The following USP30 variants were observed in gnomAD, a reference collection of about 807,000 sequenced individuals.
USP30 encodes the protein ubiquitin carboxyl-terminal hydrolase 30.
Under a neutral mutation model 68.2 loss-of-function variants are expected in USP30, and 41 were observed. The observed-to-expected ratio is 0.60, with a 90% confidence interval of 0.47 to 0.78. The LOEUF (loss-of-function observed/expected upper bound fraction) is 0.78. Among genes scored for constraint, USP30 ranks in the 30% least tolerant of loss-of-function variants. USP30 has a pLI of 0.00. For missense variants in USP30, 522 were observed against 649.4 expected (o/e 0.80, Z 2.13); for synonymous variants, 229 against 253.7 (o/e 0.90, Z 0.93).
intron 11 of USP30, 54 bp from the exon 12 acceptor site, chr12:109,084,899 T>G: frequency 1.3e-6 from 2 of 1,488,530 alleles, no homozygotes; most frequent in Non-Finnish European, 1.8e-6. Context: ...AAACCAGGTT[T>G]TGTTTACAGA....
intron 3 of USP30, among the ~76,000 whole-genome samples, chr12:109,060,801 T>C (rs1039678042): frequency 3.3e-5 from 5 of 152,114 alleles, no homozygotes; most frequent in Admixed American, 1.3e-4. Context: ...ATTACAGGCA[T>C]GCCCCACCAC....
At chr12:109,036,187 T>C (rs2040517983) in intron 3 of USP30, among the ~76,000 whole-genome samples, 1 of 152,216 alleles carries the variant, frequency 6.6e-6, no homozygotes, top group African/African-American at 2.4e-5. Flanking sequence ...TTATACTTTC[T>C]TTTATGTTTA....
intron 2 of USP30, among the ~76,000 whole-genome samples, chr12:109,026,829 T>A (rs1593217395): frequency 6.6e-6 from 1 of 152,252 alleles, no homozygotes; most frequent in East Asian, 1.9e-4. Context: ...GCCAGTATAG[T>A]TAGGTTCTGG....
chr12:109,046,095 T>TG (rs2040602408), intron 3 of USP30, among the ~76,000 whole-genome samples: 1 of 114,766 alleles, frequency 8.7e-6, no homozygotes, highest in South Asian at 3.0e-4. Context: ...AGTCAGTCTT[T>TG]TTTTTTTTTT....
At chr12:109,044,567 T>C (rs2040587647) in intron 3 of USP30, among the ~76,000 whole-genome samples, 1 of 151,832 alleles carries the variant, frequency 6.6e-6, no homozygotes, top group African/African-American at 2.4e-5. Flanking sequence ...AGCTCTGGAG[T>C]TCAAGGCTGC....
chr12:109,031,353 TA>T (rs1350674976), intron 3 of USP30, among the ~76,000 whole-genome samples: 3 of 152,252 alleles, frequency 2.0e-5, no homozygotes, highest in African/African-American at 7.2e-5. Context: ...TTTACTCACT[TA>T]ACTCAGTTTT....
intron 4 of USP30, among the ~76,000 whole-genome samples, chr12:109,069,776 C>G (rs538254388): frequency 7.1e-4 from 108 of 152,220 alleles, no homozygotes; most frequent in Middle Eastern, 6.8e-3. Flanking sequence ...GGAGGAGGAG[C>G]CAAGCTACAG....
chr12:109,055,400 ATTTT>A (rs869090869), intron 1 of USP30, among the ~76,000 whole-genome samples: 2 of 24,472 alleles, frequency 8.2e-5, no homozygotes, highest in Admixed American at 7.5e-4. Context: ...ATATATATAT[ATTTT>A]TTTTTTTTTT....
At chr12:109,059,132 C>G (rs1218871762) in intron 3 of USP30, among the ~76,000 whole-genome samples, 1 of 152,196 alleles carries the variant, frequency 6.6e-6, no homozygotes, top group East Asian at 1.9e-4. Flanking sequence ...TAGCCCCCAA[C>G]TTGGAGAGTC....
Position 109,081,319 on chromosome 12 carries a change from C to T in USP30, c.721-15C>T, listed in dbSNP as rs34912977. ...GCCTAAATCGTTTCTGGATTTTCTG[C>T]AATATTTCTTTCAGAGTCCTGTTCG... On this transcript the variant is annotated splice_polypyrimidine_tract_variant and intron_variant, in intron 7 of 12. Coordinates refer to ENST00000257548, the MANE Select transcript of USP30 (RefSeq NM_032663.5). 0.011 allele frequency: 17,032 copies of T among 1,613,160 alleles called. 117 individuals carry two copies. Among genetic ancestry groups the T allele is most frequent in the African/African-American group, 0.021 (1,581 of 74,996 alleles).
chr12:109,023,607 A>G (rs1593215478), intron 1 of USP30, among the ~76,000 whole-genome samples: 1 of 132,160 alleles, frequency 7.6e-6, no homozygotes, highest in East Asian at 2.2e-4. Context: ...TTCAGCTTCT[A>G]CTCATGTGCC....
rs1428890676 is a variant in USP30, at chr12:109,070,851, C to G, written c.481-761C>G. On this transcript the variant is annotated intron_variant, in intron 4 of 12. Coordinates refer to ENST00000257548, the MANE Select transcript of USP30 (RefSeq NM_032663.5). This position sits in a 1 kb window ranked among gnomAD's most constrained non-coding sequence, Gnocchi z 4.0. Reference sequence around the variant, plus strand: ...ATTTGTATACTCAGGTTAATAGCAGCATGTTCGCAATAGCCAAGGGGTAGA... The same window carrying G: ...ATTTGTATACTCAGGTTAATAGCAGGATGTTCGCAATAGCCAAGGGGTAGA... 6.6e-6 allele frequency among the ~76,000 whole-genome samples: 1 copy of G among 152,296 alleles called. No homozygotes were observed. The highest frequency in any genetic ancestry group is 2.1e-4 in the South Asian group (1 of 4,822).
rs2041713719 is a variant in USP30 at position 109,079,339 on chromosome 12, C to CTTTTTTTTTTCTTTTTTTTT, written c.721-1985_721-1984insCTTTTTTTTTTTTTTTTTTT. 1.4e-3 allele frequency among the ~76,000 whole-genome samples: 86 copies of CTTTTTTTTTTCTTTTTTTTT among 62,254 alleles called. 2 individuals are homozygous for CTTTTTTTTTTCTTTTTTTTT. Among genetic ancestry groups the CTTTTTTTTTTCTTTTTTTTT allele is most frequent in the South Asian group, 3.1e-3 (5 of 1,618 alleles). 40.8% of individuals were successfully genotyped at this position (62,254 alleles called of 152,430 possible). A position where few individuals can be genotyped will look rare whatever the true frequency, so the allele number is the denominator to read the frequency against. ...TTTTCTCTTTTTTTCTTTTCTTTTT[C>CTTTTTTTTTTCTTTTTTTTT]TTTTTTTTTTTCTTTTTTTTTTTTT... is the stretch of plus-strand genomic sequence containing the variant. On this transcript the variant is annotated intron_variant, in intron 7 of 12. Transcript: ENST00000257548.
At chr12:109,077,828 G>A (rs113399484) in intron 7 of USP30, among the ~76,000 whole-genome samples, 2 of 151,852 alleles carry the variant, frequency 1.3e-5, no homozygotes, top group African/African-American at 4.8e-5. Context: ...TTTGTGTTGG[G>A]GGGGGAGGGT....
At chr12:109,031,418 T>C (rs896798536) in intron 3 of USP30, among the ~76,000 whole-genome samples, 31 of 152,204 alleles carry the variant, frequency 2.0e-4, no homozygotes, top group African/African-American at 7.0e-4. Flanking sequence ...GTATAGCACT[T>C]TTAAAATTTG....
chr12:109,036,933 T>C (rs955316921), intron 3 of USP30, among the ~76,000 whole-genome samples: 1 of 151,842 alleles, frequency 6.6e-6, no homozygotes, highest in Non-Finnish European at 1.5e-5. Context: ...TTGGAGTTCA[T>C]TGAGCTTCTT....
intron 7 of USP30, 31 bp from the exon 8 acceptor site, chr12:109,081,303 G>A (rs564690258): frequency 1.7e-5 from 27 of 1,612,172 alleles, no homozygotes; most frequent in African/African-American, 5.3e-5. Flanking sequence ...AGCCTAAATC[G>A]TTTCTGGATT....
chr12:109,040,576 T>A (rs1399785008), intron 3 of USP30, among the ~76,000 whole-genome samples: 1 of 151,654 alleles, frequency 6.6e-6, no homozygotes, highest in African/African-American at 2.4e-5. Flanking sequence ...TTTTATGAGG[T>A]TGTAGCCAGA....
At chr12:109,085,620 CTTT>C in intron 12 of USP30, 44 bp from the exon 13 acceptor site, 1 of 1,598,254 alleles carries the variant, frequency 6.3e-7, no homozygotes, top group African/African-American at 1.3e-5. Context: ...CCTATAAAGT[CTTT>C]TTGTTAAAAT....
Sources: allele counts gnomAD v4.1 joint callset (sites outside exome capture counted in the v4.1 genomes callset), GRCh38; gene constraint gnomAD v4.1.1; non-coding constraint Gnocchi (gnomAD v3.1); transcripts MANE v1.5; gene names NCBI Gene and HGNC (gene_info 2026-07-23, HGNC 2026-07-21).